ASIC2: variants seen among roughly 807,000 people sequenced by gnomAD.
ASIC2 encodes the protein acid-sensing ion channel 2.
A neutral mutation model predicts 57.3 loss-of-function variants in ASIC2; 25 were observed. The ratio of observed to expected loss-of-function variants is 0.44; its 90% CI spans 0.32 to 0.61. ASIC2 has a LOEUF of 0.61. ASIC2 is among the 20% of genes least tolerant of loss of function. ASIC2 has a pLI of 0.06. For synonymous variants in ASIC2, 319 were observed against 307.5 expected (o/e 1.04, Z -0.39); for missense variants, 641 against 738.1 (o/e 0.87, Z 1.52).
At chr17:33,866,049 G>C (rs1156494576) in intron 1 of ASIC2, among the ~76,000 whole-genome samples, 1 of 152,034 alleles carries the variant, frequency 6.6e-6, no homozygotes, top group African/African-American at 2.4e-5. Flanking sequence ...TCAACATTTT[G>C]TGAAATCCAA....
intron 1 of ASIC2, among the ~76,000 whole-genome samples, chr17:33,955,959 TC>T (rs985157612): frequency 6.6e-6 from 1 of 152,118 alleles, no homozygotes; most frequent in African/African-American, 2.4e-5. Context: ...CTGGGATAGT[TC>T]CTATCTCTTG....
At chr17:33,684,732 A>G (rs1171307575) in intron 1 of ASIC2, among the ~76,000 whole-genome samples, 1 of 152,162 alleles carries the variant, frequency 6.6e-6, no homozygotes. Flanking sequence ...TTTAAGAAAG[A>G]AAGGAAAAAA....
intron 1 of ASIC2, among the ~76,000 whole-genome samples, chr17:33,384,845 G>A (rs140502119): frequency 2.0e-5 from 3 of 152,270 alleles, no homozygotes; most frequent in East Asian, 3.9e-4. Context: ...TAACTATGTT[G>A]TTTACATTTC....
intron 1 of ASIC2, among the ~76,000 whole-genome samples, chr17:33,346,226 CAAAAAAAAAAAAAAAA>C (rs57042563): frequency 3.5e-5 from 2 of 57,786 alleles, no homozygotes; most frequent in Middle Eastern, 0.016. Flanking sequence ...GATTCCCTCT[CAAAAAAAAAAAAAAAA>C]AAAAAAAAAA....
chr17:33,902,197 T>C (rs1291012120), intron 1 of ASIC2, among the ~76,000 whole-genome samples: 5 of 152,120 alleles, frequency 3.3e-5, no homozygotes, highest in East Asian at 3.9e-4. Context: ...GATTGAGAAT[T>C]GTTACTGAAA....
At chr17:34,005,949 CAT>C (rs1360304244) in intron 1 of ASIC2, 2 of 152,222 alleles carry the variant, frequency 1.3e-5, no homozygotes, top group Non-Finnish European at 2.9e-5. Context: ...CTGCTTTCCA[CAT>C]ATGCGTATGC....
chr17:33,265,519 G>A (rs1016578637), intron 1 of ASIC2, among the ~76,000 whole-genome samples: 130 of 152,140 alleles, frequency 8.5e-4, no homozygotes, highest in Non-Finnish European at 7.3e-4. Flanking sequence ...GGGAGTGGTG[G>A]GAGGGAGAGC....
At chr17:33,914,573 C>T (rs1166107972) in intron 1 of ASIC2, among the ~76,000 whole-genome samples, 2 of 152,120 alleles carry the variant, frequency 1.3e-5, no homozygotes. Flanking sequence ...ATGGGGAAGC[C>T]AAACAAGCGA....
At chr17:33,016,060 G>C (rs780233002) in intron 8 of ASIC2, 21 bp from the exon 9 acceptor site, 1 of 1,613,154 alleles carries the variant, frequency 6.2e-7, no homozygotes, top group Non-Finnish European at 8.5e-7. Context: ...AGCAGGAAGG[G>C]GTTGGTCAGG....
intron 1 of ASIC2, among the ~76,000 whole-genome samples, chr17:33,881,394 A>G (rs534528179): frequency 3.4e-4 from 52 of 152,356 alleles, no homozygotes; most frequent in African/African-American, 1.2e-3. Context: ...CCTTAAACTG[A>G]TAGGCAACTT....
chr17:33,932,741 A>AAAAATAAATATATATAT (rs1555572867), intron 1 of ASIC2: 1 of 58,716 alleles, frequency 1.7e-5, no homozygotes, highest in Non-Finnish European at 3.1e-5. Context: ...AAAAAAAAAA[A>AAAAATAAATATATATAT]ATATATATAT....
intron 1 of ASIC2, among the ~76,000 whole-genome samples, chr17:33,920,437 G>A (rs536506466): frequency 1.6e-4 from 24 of 152,120 alleles, no homozygotes; most frequent in Admixed American, 1.2e-3. Flanking sequence ...GCCATTATCC[G>A]AAGTGAATTA....
At chr17:33,734,099 C>A in intron 1 of ASIC2, among the ~76,000 whole-genome samples, 1 of 152,176 alleles carries the variant, frequency 6.6e-6, no homozygotes, top group Non-Finnish European at 1.5e-5. Context: ...TGTCATCTCC[C>A]CCCTACCCCA....
intron 1 of ASIC2, among the ~76,000 whole-genome samples, chr17:33,670,642 C>T (rs1404779568): frequency 6.6e-6 from 1 of 152,120 alleles, no homozygotes; most frequent in Non-Finnish European, 1.5e-5. Context: ...CCCCTGATGC[C>T]CCCTCTAATC....
Position 33,579,821 on chromosome 17 carries a change from G to A in ASIC2, c.556-467754C>T, listed in dbSNP as rs78727543. 2.0e-3 allele frequency among the ~76,000 whole-genome samples: 305 copies of A among 152,204 alleles called. 2 individuals are homozygous for A. Among genetic ancestry groups the A allele is most frequent in the African/African-American group, 5.8e-3 (240 of 41,494 alleles). On this transcript the variant is annotated intron_variant, in intron 1 of 9. Transcript: ENST00000359872. ...TGAAAAACACCCCTTGGATTTCGGC[G>A]TCTGGCTCGGGTGGGCTGCATTTAT...
At chr17:33,615,435 AT>A (rs1167106712) in intron 1 of ASIC2, among the ~76,000 whole-genome samples, 1 of 152,228 alleles carries the variant, frequency 6.6e-6, no homozygotes, top group East Asian at 1.9e-4. Context: ...AAGGAAAAAA[AT>A]AACTGGAAAA....
At chr17:33,625,159 CT>C (rs1186841668) in intron 1 of ASIC2, among the ~76,000 whole-genome samples, 2 of 152,128 alleles carry the variant, frequency 1.3e-5, no homozygotes, top group African/African-American at 4.8e-5. Context: ...ATCTATCTAT[CT>C]ATCTATCTAT....
chr17:33,965,160 A>G (rs1186610755), intron 1 of ASIC2, among the ~76,000 whole-genome samples: 1 of 152,226 alleles, frequency 6.6e-6, no homozygotes, highest in African/African-American at 2.4e-5. Flanking sequence ...AAACATGTCC[A>G]TGTACTAGCT....
At chr17:33,209,536 C>T (rs1446729302) in intron 1 of ASIC2, among the ~76,000 whole-genome samples, 1 of 152,170 alleles carries the variant, frequency 6.6e-6, no homozygotes, top group African/African-American at 2.4e-5. Context: ...CCACCAGATG[C>T]CAGTAGCTTC....
Sources: allele counts gnomAD v4.1 joint callset (sites outside exome capture counted in the v4.1 genomes callset), GRCh38; gene constraint gnomAD v4.1.1; transcripts MANE v1.5; gene names NCBI Gene and HGNC (gene_info 2026-07-23, HGNC 2026-07-21).